FMNL2: variants seen among roughly 807,000 people sequenced by gnomAD.
FMNL2 encodes formin like 2.
Under a neutral mutation model 130.2 loss-of-function variants are expected in FMNL2, and 51 were observed. The ratio of observed to expected loss-of-function variants is 0.39; its 90% CI spans 0.31 to 0.49. The LOEUF is 0.49. FMNL2 is among the 20% of genes least tolerant of loss of function. The pLI is 0.85. For missense variants in FMNL2, 977 were observed against 1,316.2 expected, an observed-to-expected ratio of 0.74 and a Z score of 3.99; for synonymous variants, 465 against 467.1, an observed-to-expected ratio of 1.00 and a Z score of 0.06.
At chr2:152,359,731 A>T (rs190827910) in intron 1 of FMNL2, among the ~76,000 whole-genome samples, 3 of 152,106 alleles carry the variant, frequency 2.0e-5, no homozygotes, top group Non-Finnish European at 4.4e-5. Flanking sequence ...AAGAAGGGGA[A>T]AATTTGTGTA....
intron 1 of FMNL2, among the ~76,000 whole-genome samples, chr2:152,375,339 C>T (rs964345554): frequency 7.9e-5 from 12 of 152,296 alleles, no homozygotes; most frequent in African/African-American, 2.2e-4. Flanking sequence ...GAAGGCATGG[C>T]GGAGGCCTGG....
At chr2:152,581,942 C>T (rs1475180863) in intron 9 of FMNL2, among the ~76,000 whole-genome samples, 2 of 152,218 alleles carry the variant, frequency 1.3e-5, no homozygotes, top group African/African-American at 4.8e-5. Flanking sequence ...TTTCTCTCCT[C>T]TTTCCTGAAA....
At chr2:152,611,309 A>G (rs1322354958) in intron 10 of FMNL2, among the ~76,000 whole-genome samples, 186 bp from the exon 11 acceptor site, 1 of 152,230 alleles carries the variant, frequency 6.6e-6, no homozygotes, top group East Asian at 1.9e-4. Flanking sequence ...ACTGCACTCC[A>G]GTCTGGGCGA....
chr2:152,441,317 G>A (rs1688034404), intron 1 of FMNL2, among the ~76,000 whole-genome samples: 1 of 152,216 alleles, frequency 6.6e-6, no homozygotes, highest in South Asian at 2.1e-4. Context: ...GCATTAACAA[G>A]TTCGCTAGAT....
At chr2:152,383,681 G>T (rs34189647) in intron 1 of FMNL2, among the ~76,000 whole-genome samples, 2,413 of 152,230 alleles carry the variant, frequency 0.016, 59 homozygotes, top group African/African-American at 0.049. Context: ...CAAACTTGGT[G>T]CTCTTTGAAA....
At chr2:152,417,348 T>A (rs1381270095) in intron 1 of FMNL2, among the ~76,000 whole-genome samples, 1 of 152,180 alleles carries the variant, frequency 6.6e-6, no homozygotes, top group Non-Finnish European at 1.5e-5. Flanking sequence ...AGCAGAAGTC[T>A]TCATTGAATG....
intron 1 of FMNL2, among the ~76,000 whole-genome samples, chr2:152,472,360 C>T (rs957928903): frequency 3.0e-4 from 45 of 152,190 alleles, no homozygotes; most frequent in African/African-American, 1.0e-3. Context: ...TTGTGCAGGT[C>T]CACAACCCTA....
chr2:152,551,768 T>G (rs762880573), intron 4 of FMNL2, among the ~76,000 whole-genome samples: 2 of 152,162 alleles, frequency 1.3e-5, no homozygotes, highest in Admixed American at 6.5e-5. Flanking sequence ...GTATTCCCAG[T>G]ACTTTGGGAG....
At chr2:152,473,840 A>G (rs1267428462) in intron 1 of FMNL2, among the ~76,000 whole-genome samples, 1 of 152,044 alleles carries the variant, frequency 6.6e-6, no homozygotes, top group Non-Finnish European at 1.5e-5. Context: ...CACATTTGGA[A>G]TTTTCTGCCC....
chr2:152,380,102 C>T (rs772120252), intron 1 of FMNL2, among the ~76,000 whole-genome samples: 2 of 152,174 alleles, frequency 1.3e-5, no homozygotes, highest in African/African-American at 2.4e-5. Flanking sequence ...ATTTTTATAG[C>T]ATTCATCACA....
intron 9 of FMNL2, among the ~76,000 whole-genome samples, chr2:152,597,868 A>T (rs1422975371): frequency 6.6e-6 from 1 of 152,162 alleles, no homozygotes; most frequent in Non-Finnish European, 1.5e-5. Flanking sequence ...TCTGCTTAAG[A>T]CCCAGAGGTG....
intron 6 of FMNL2, among the ~76,000 whole-genome samples, chr2:152,572,122 C>A (rs1485977642): frequency 2.6e-5 from 4 of 152,082 alleles, no homozygotes; most frequent in African/African-American, 9.7e-5. Context: ...GGGATTTGGT[C>A]TCATCACAGA....
chr2:152,553,704 A>T (rs1045286690), intron 4 of FMNL2, among the ~76,000 whole-genome samples: 82 of 151,714 alleles, frequency 5.4e-4, no homozygotes, highest in Admixed American at 5.4e-3. Context: ...ATTTAATAAC[A>T]TTTAATTTAA....
intron 7 of FMNL2, 146 bp downstream of exon 7, chr2:152,575,390 A>G (rs1188665695): frequency 2.1e-6 from 1 of 469,578 alleles, no homozygotes; most frequent in East Asian, 3.2e-5. Flanking sequence ...TGTTACCAAA[A>G]GCTGCTTGTA....
intron 2 of FMNL2, among the ~76,000 whole-genome samples, chr2:152,527,646 T>C (rs1010166216): frequency 3.3e-5 from 5 of 152,146 alleles, no homozygotes. Context: ...TGTGGTCTCC[T>C]TTTTTGAATA....
intron 1 of FMNL2, among the ~76,000 whole-genome samples, chr2:152,405,851 A>G (rs898470023): frequency 3.3e-5 from 5 of 152,236 alleles, no homozygotes; most frequent in Non-Finnish European, 5.9e-5. Context: ...AGTTCTATCT[A>G]TGCAGAATGA....
chr2:152,391,269 C>T (rs1685091420), intron 1 of FMNL2, among the ~76,000 whole-genome samples: 1 of 152,162 alleles, frequency 6.6e-6, no homozygotes, highest in Non-Finnish European at 1.5e-5. Context: ...TAGAGAATGC[C>T]AAATAAACAC....
At chr2:152,422,620 C>T (rs947780386) in intron 1 of FMNL2, among the ~76,000 whole-genome samples, 3 of 152,164 alleles carry the variant, frequency 2.0e-5, no homozygotes, top group Non-Finnish European at 4.4e-5. Context: ...TGCCTCCGGG[C>T]TCACCTCAAG....
In FMNL2 at chr2:152,348,818, G is replaced by GTT. The variant is rs1244621847; in HGVS notation, c.117+13124_117+13125dup. Among the ~76,000 whole-genome samples the GTT allele has an allele frequency of 4.6e-3, 330 of 71,828 alleles. 65 individuals are homozygous for GTT. The highest frequency in any genetic ancestry group is 0.015 in the African/African-American group (246 of 16,296). The allele number at this position is 71,828 out of a possible 152,430, so 47.1% of individuals were successfully genotyped here. On this transcript the variant is annotated intron_variant, in intron 1 of 25. Coordinates refer to ENST00000288670, the MANE Select transcript of FMNL2 (RefSeq NM_052905.4). ...CCAATTGTCTTCTGTGCTTCTAAGG[G>GTT]TTTTTTTTTTTTTTTTTTTTTTTTT... is the stretch of plus-strand genomic sequence containing the variant.
Sources: gnomAD v4.1 joint callset for allele counts (sites outside exome capture counted in the v4.1 genomes callset) on GRCh38, gnomAD v4.1.1 for gene constraint, MANE v1.5 for transcripts, NCBI Gene and HGNC (gene_info 2026-07-23, HGNC 2026-07-21) for gene names.